The following GPATCH2 variants were observed in gnomAD, a reference collection of about 807,000 sequenced individuals.
GPATCH2 encodes G patch domain-containing protein 2.
Under a neutral mutation model 58.0 loss-of-function variants are expected in GPATCH2, and 51 were observed. The observed-to-expected ratio is 0.88, with a 90% confidence interval of 0.70 to 1.11. GPATCH2 has a LOEUF of 1.11. Among genes scored for constraint, GPATCH2 ranks in the 50% most tolerant of loss-of-function variants. The pLI is 0.00. For missense variants in GPATCH2, 625 were observed against 652.2 expected (o/e 0.96, Z 0.45); for synonymous variants, 222 against 218.5 (o/e 1.02, Z -0.14).
At chr1:217,537,369 A>C (rs1664529153) in intron 5 of GPATCH2, among the ~76,000 whole-genome samples, 1 of 152,184 alleles carries the variant, frequency 6.6e-6, no homozygotes, top group African/African-American at 2.4e-5. Context: ...GTAGGTGTTC[A>C]ATATATGTTT....
chr1:217,568,146 A>G (rs1306653615), intron 5 of GPATCH2, among the ~76,000 whole-genome samples: 1 of 152,046 alleles, frequency 6.6e-6, no homozygotes, highest in South Asian at 2.1e-4. Context: ...CAACAAAAAA[A>G]CCCCAACATT....
At chr1:217,434,693 T>TA (rs1658728043) in intron 9 of GPATCH2, among the ~76,000 whole-genome samples, 1 of 152,304 alleles carries the variant, frequency 6.6e-6, no homozygotes, top group African/African-American at 2.4e-5. Context: ...AAAATATTTC[T>TA]AAAAAACTGC....
At chr1:217,534,718 C>A (rs1664381460) in intron 5 of GPATCH2, among the ~76,000 whole-genome samples, 1 of 152,178 alleles carries the variant, frequency 6.6e-6, no homozygotes, top group Non-Finnish European at 1.5e-5. Context: ...TCCCAATTCT[C>A]ACTGGGTTAC....
At chr1:217,522,775 T>C (rs530578258) in intron 5 of GPATCH2, among the ~76,000 whole-genome samples, 2 of 150,060 alleles carry the variant, frequency 1.3e-5, no homozygotes, top group East Asian at 3.9e-4. Flanking sequence ...ACTCAATTCA[T>C]ATCAAAGCAA....
intron 5 of GPATCH2, among the ~76,000 whole-genome samples, chr1:217,606,887 T>C (rs1036798432): frequency 1.3e-5 from 2 of 152,204 alleles, no homozygotes; most frequent in Non-Finnish European, 2.9e-5. Context: ...GCACCAGAGA[T>C]GGTGCTGGGC....
At chr1:217,443,823 G>A (rs1659258125) in intron 9 of GPATCH2, among the ~76,000 whole-genome samples, 1 of 152,150 alleles carries the variant, frequency 6.6e-6, no homozygotes, top group African/African-American at 2.4e-5. Context: ...GATTTGCACA[G>A]TTTTTAAGAT....
intron 5 of GPATCH2, among the ~76,000 whole-genome samples, chr1:217,586,496 T>C (rs1031942085): frequency 2.0e-5 from 3 of 152,174 alleles, no homozygotes; most frequent in African/African-American, 7.2e-5. Flanking sequence ...CTGGAAGGTC[T>C]TCAGGGGCAA....
intron 6 of GPATCH2, among the ~76,000 whole-genome samples, chr1:217,513,900 CT>C (rs1210791909): frequency 1.3e-5 from 2 of 151,710 alleles, no homozygotes; most frequent in Non-Finnish European, 2.9e-5. Context: ...TCTCGGCTCA[CT>C]GTAACCTCCG....
intron 5 of GPATCH2, among the ~76,000 whole-genome samples, chr1:217,527,240 T>C (rs563724378): frequency 3.4e-4 from 51 of 152,148 alleles, no homozygotes; most frequent in Non-Finnish European, 4.4e-4. Context: ...TGTGGAAAAA[T>C]TGTCTTCCAG....
chr1:217,509,307 C>T (rs1662723045), intron 6 of GPATCH2, among the ~76,000 whole-genome samples: 1 of 152,124 alleles, frequency 6.6e-6, no homozygotes, highest in Non-Finnish European at 1.5e-5. Context: ...CGCCACTGCA[C>T]TCCAGTCTGG....
chr1:217,504,665 G>A (rs975603168), intron 6 of GPATCH2, among the ~76,000 whole-genome samples: 1 of 152,186 alleles, frequency 6.6e-6, no homozygotes, highest in African/African-American at 2.4e-5. Flanking sequence ...CACACAGCTA[G>A]CAAGTACTGG....
Position 217,620,031 on chromosome 1 carries a change from G to A in GPATCH2, c.525C>T (p.Ile175=), listed in dbSNP as rs1265912645. 6.2e-7 allele frequency: 1 copy of A among 1,613,980 alleles called. No individual in the cohort carries two copies. ...GCTGGGTCATTGTCCGTTTGTTAGAGATGTCCTGTGGGAGATCTACTGCCA... is the reference window on the plus strand; with the variant it reads ...GCTGGGTCATTGTCCGTTTGTTAGAAATGTCCTGTGGGAGATCTACTGCCA... ...KRMAVDLPQD[I]SNKRTMTQPP... The change falls in exon 2 of 10, where the codon ATC becomes ATT. Residue 175 remains isoleucine (I), a synonymous_variant. Coordinates refer to ENST00000366935, the MANE Select transcript of GPATCH2 (RefSeq NM_018040.5).
chr1:217,617,368 G>A (rs1668937228), intron 2 of GPATCH2, among the ~76,000 whole-genome samples: 1 of 152,128 alleles, frequency 6.6e-6, no homozygotes, highest in Non-Finnish European at 1.5e-5. Context: ...CCCTTAGCAA[G>A]TCTTCCCTCA....
intron 5 of GPATCH2, among the ~76,000 whole-genome samples, chr1:217,558,677 G>A (rs1414766198): frequency 6.6e-6 from 1 of 152,088 alleles, no homozygotes; most frequent in East Asian, 1.9e-4. Context: ...GGCCTGGAGT[G>A]GTGGCTCGCA....
chr1:217,445,811 C>G (rs1302954614), intron 9 of GPATCH2, among the ~76,000 whole-genome samples: 2 of 152,114 alleles, frequency 1.3e-5, no homozygotes, highest in Non-Finnish European at 2.9e-5. Flanking sequence ...CTAGCGCTTT[C>G]TAAAGCGACT....
At chr1:217,628,068 T>C (rs146449058) in intron 1 of GPATCH2, among the ~76,000 whole-genome samples, 1 of 152,034 alleles carries the variant, frequency 6.6e-6, no homozygotes, top group Admixed American at 6.6e-5. Flanking sequence ...CAATAAAAAT[T>C]TACTGAACAT....
intron 8 of GPATCH2, among the ~76,000 whole-genome samples, chr1:217,464,553 C>A (rs1342470011): frequency 6.6e-6 from 1 of 152,070 alleles, no homozygotes; most frequent in Admixed American, 6.6e-5. Context: ...CATATAAATT[C>A]TTGAAATTAA....
At chr1:217,556,327 C>T (rs551906072) in intron 5 of GPATCH2, among the ~76,000 whole-genome samples, 6 of 152,170 alleles carry the variant, frequency 3.9e-5, no homozygotes, top group Non-Finnish European at 8.8e-5. Flanking sequence ...CCCTTCTCTT[C>T]GGGGGGCAAC....
intron 6 of GPATCH2, among the ~76,000 whole-genome samples, chr1:217,503,729 T>C (rs1662414509): frequency 6.6e-6 from 1 of 152,028 alleles, no homozygotes; most frequent in Non-Finnish European, 1.5e-5. Flanking sequence ...GGGTGATGGT[T>C]ATATATAAGA....
Sources: gnomAD v4.1 joint callset for allele counts (sites outside exome capture counted in the v4.1 genomes callset) on GRCh38, gnomAD v4.1.1 for gene constraint, MANE v1.5 for transcripts, NCBI Gene and HGNC (gene_info 2026-07-23, HGNC 2026-07-21) for gene names.